The following RNF185 variants were observed in gnomAD, a reference collection of about 807,000 sequenced individuals.
RNF185 encodes ring finger protein 185.
A neutral mutation model predicts 24.9 loss-of-function variants in RNF185; 13 were observed. The observed-to-expected ratio is 0.52, with a 90% CI of 0.34 to 0.83. The LOEUF (loss-of-function observed/expected upper bound fraction) is 0.83, where lower values mean the gene tolerates loss of function less well. RNF185 is among the 40% of genes least tolerant of loss of function. The pLI, the probability that RNF185 is intolerant of heterozygous loss-of-function variation, is 0.01. For synonymous variants in RNF185, 79 were observed against 90.3 expected (o/e 0.88, Z 0.71); for missense variants, 184 against 244.7 (o/e 0.75, Z 1.65).
intron 1 of RNF185, among the ~76,000 whole-genome samples, chr22:31,162,983 C>T (rs151188443): frequency 0.022 from 3,419 of 152,042 alleles, 46 homozygotes; most frequent in Non-Finnish European, 0.034. Flanking sequence ...CCAGGATGGT[C>T]TTGATCTCCT....
chr22:31,177,915 G>A (rs1456038012), intron 1 of RNF185, among the ~76,000 whole-genome samples: 1 of 152,168 alleles, frequency 6.6e-6, no homozygotes, highest in African/African-American at 2.4e-5. Context: ...ATGAGATCAA[G>A]TTCCCTGGTG....
At chr22:31,160,447 C>T (rs1313624121) in intron 1 of RNF185, 144 bp downstream of exon 1, 3 of 152,236 alleles carry the variant, frequency 2.0e-5, no homozygotes, top group African/African-American at 7.2e-5. Flanking sequence ...TGTCTGTCCC[C>T]GAAAAGAGGA....
intron 1 of RNF185, among the ~76,000 whole-genome samples, chr22:31,182,734 C>T (rs2048051170): frequency 6.7e-6 from 1 of 148,428 alleles, no homozygotes; most frequent in South Asian, 2.1e-4. Flanking sequence ...GTTGGAATAT[C>T]TCGTATCTCA....
chr22:31,176,076 G>C (rs1010474622), intron 1 of RNF185, among the ~76,000 whole-genome samples: 4 of 151,780 alleles, frequency 2.6e-5, no homozygotes, highest in Admixed American at 6.6e-5. Context: ...TTTCTCCTGA[G>C]TATTAACAGA....
chr22:31,175,996 C>T (rs1213686507), intron 1 of RNF185, among the ~76,000 whole-genome samples: 1 of 152,122 alleles, frequency 6.6e-6, no homozygotes, highest in African/African-American at 2.4e-5. Flanking sequence ...CTCCTGGCCT[C>T]AACCAATCCT....
chr22:31,188,871 A>G (rs1005271925), intron 2 of RNF185, among the ~76,000 whole-genome samples: 3 of 151,664 alleles, frequency 2.0e-5, no homozygotes, highest in Non-Finnish European at 4.4e-5. Flanking sequence ...CTGTAATCCC[A>G]GCACTTTGGG....
At chr22:31,168,207 T>C (rs1924052759) in intron 1 of RNF185, among the ~76,000 whole-genome samples, 1 of 152,220 alleles carries the variant, frequency 6.6e-6, no homozygotes, top group Admixed American at 6.5e-5. Context: ...CTTTTTATTT[T>C]TGAAGATGAG....
intron 1 of RNF185, among the ~76,000 whole-genome samples, chr22:31,186,166 T>G (rs1321151553): frequency 6.6e-6 from 1 of 152,200 alleles, no homozygotes; most frequent in African/African-American, 2.4e-5. Context: ...GTTGATATAT[T>G]TAGATAAAAT....
intron 3 of RNF185, among the ~76,000 whole-genome samples, chr22:31,193,853 C>A (rs1445788057): frequency 1.3e-5 from 2 of 150,770 alleles, no homozygotes; most frequent in Middle Eastern, 3.4e-3. Context: ...CAAACAAAAA[C>A]AAACCAAAAA....
At chr22:31,163,656 T>TTTTATTTTATTTATTTA (rs1555880081) in intron 1 of RNF185, among the ~76,000 whole-genome samples, 6 of 141,036 alleles carry the variant, frequency 4.3e-5, no homozygotes, top group African/African-American at 1.3e-4. Context: ...TTTTATTTTA[T>TTTTATTTTATTTATTTA]TTTATTTATT....
intron 1 of RNF185, among the ~76,000 whole-genome samples, chr22:31,180,703 C>A (rs2048026279): frequency 6.6e-6 from 1 of 152,006 alleles, no homozygotes; most frequent in South Asian, 2.1e-4. Context: ...AAGCCATTTT[C>A]TAATACCTAT....
intron 2 of RNF185, among the ~76,000 whole-genome samples, chr22:31,192,362 G>A (rs572176517): frequency 6.6e-6 from 1 of 152,296 alleles, no homozygotes; most frequent in South Asian, 2.1e-4. Flanking sequence ...CTCTCACAGG[G>A]TGATTTGTAG....
In RNF185 at chr22:31,171,296, A is replaced by T. The variant is rs1032891406; in HGVS notation, c.-49+10993A>T. On this transcript the variant is annotated intron_variant, in intron 1 of 6. Transcript: ENST00000326132. ...GTGATTCTCCCGCCTCAGCCTCCCT[A>T]GTAGCTGGGATTACAGGCGCCCACC... Among the ~76,000 whole-genome samples, 8 of 149,702 alleles carry T rather than the reference A, an allele frequency of 5.3e-5. No homozygotes were observed. In the Middle Eastern group the frequency reaches 0.01, roughly 196 times the overall value.
At chr22:31,160,856 G>A (rs987466443) in intron 1 of RNF185, among the ~76,000 whole-genome samples, 9 of 152,158 alleles carry the variant, frequency 5.9e-5, no homozygotes, top group Non-Finnish European at 1.5e-5. Context: ...TTTACAGCGC[G>A]GGACTCAATT....
At chr22:31,163,253 A>G (rs188055121) in intron 1 of RNF185, among the ~76,000 whole-genome samples, 442 of 152,220 alleles carry the variant, frequency 2.9e-3, no homozygotes, top group African/African-American at 0.011. Context: ...TAAAAACCAT[A>G]TGGTCCACAG....
intron 1 of RNF185, among the ~76,000 whole-genome samples, chr22:31,164,754 T>G (rs1923808435): frequency 6.6e-6 from 1 of 151,528 alleles, no homozygotes; most frequent in Non-Finnish European, 1.5e-5. Flanking sequence ...GCCCAGCTGT[T>G]TTTTGTATTT....
At chr22:31,190,596 G>GA (rs1555882703) in intron 2 of RNF185, among the ~76,000 whole-genome samples, 1 of 150,194 alleles carries the variant, frequency 6.7e-6, no homozygotes, top group Non-Finnish European at 1.5e-5. Flanking sequence ...CTGGTTTTTG[G>GA]TTTTTTTTGA....
chr22:31,174,695 T>A (rs898093968), intron 1 of RNF185, among the ~76,000 whole-genome samples: 7 of 152,118 alleles, frequency 4.6e-5, no homozygotes, highest in Admixed American at 2.6e-4. Context: ...TGTCCTTTTT[T>A]AAAAATGAAA....
intron 5 of RNF185, among the ~76,000 whole-genome samples, chr22:31,200,322 A>G (rs1049927252): frequency 6.6e-6 from 1 of 152,110 alleles, no homozygotes; most frequent in East Asian, 1.9e-4. Context: ...GCACCATTGC[A>G]CTCCAGGCTT....
Sources: allele counts gnomAD v4.1 joint callset (sites outside exome capture counted in the v4.1 genomes callset), GRCh38; gene constraint gnomAD v4.1.1; transcripts MANE v1.5; gene names NCBI Gene and HGNC (gene_info 2026-07-23, HGNC 2026-07-21).